GPHN: variants seen among roughly 807,000 people sequenced by gnomAD.
GPHN encodes the protein gephyrin.
A neutral mutation model predicts 95.5 loss-of-function variants in GPHN; 17 were observed. That is an observed-to-expected ratio of 0.18 (90% CI 0.12 to 0.27). GPHN has a LOEUF of 0.27. Ranked by LOEUF, GPHN falls within the 10% of genes least tolerant of loss-of-function variation. GPHN has a pLI of 1.00. For synonymous variants in GPHN, 320 were observed against 322.5 expected, an observed-to-expected ratio of 0.99 and a Z score of 0.08; for missense variants, 660 against 978.1, an observed-to-expected ratio of 0.67 and a Z score of 4.34.
intron 5 of GPHN, among the ~76,000 whole-genome samples, chr14:66,909,580 T>C (rs1472502277): frequency 2.6e-5 from 4 of 152,068 alleles, no homozygotes; most frequent in African/African-American, 9.7e-5. Flanking sequence ...ACCTTCTCAA[T>C]TGATGCAGAA....
At chr14:67,196,554 A>G in the GPHN span, among the ~76,000 whole-genome samples, 3 of 152,168 alleles carry the variant, frequency 2.0e-5, no homozygotes, top group Admixed American at 2.0e-4. Flanking sequence ...GAAGATGTCA[A>G]CAAAAGGTTT....
At chr14:66,696,109 A>T (rs1205262426) in intron 2 of GPHN, among the ~76,000 whole-genome samples, 1 of 152,220 alleles carries the variant, frequency 6.6e-6, no homozygotes, top group East Asian at 1.9e-4. Flanking sequence ...TTGCAGTACA[A>T]GGGATATATG....
At chr14:66,767,139 C>G (rs903606967) in intron 2 of GPHN, among the ~76,000 whole-genome samples, 1 of 151,838 alleles carries the variant, frequency 6.6e-6, no homozygotes, top group Non-Finnish European at 1.5e-5. Flanking sequence ...TTCAAGATGC[C>G]TATTACGCAT....
chr14:67,358,564 G>A, the GPHN span, among the ~76,000 whole-genome samples: 1 of 152,110 alleles, frequency 6.6e-6, no homozygotes, highest in Non-Finnish European at 1.5e-5. Context: ...GCCAGGCGCG[G>A]TGGCTCCCAT....
intron 9 of GPHN, among the ~76,000 whole-genome samples, chr14:67,011,334 A>G (rs1046098876): frequency 6.6e-6 from 1 of 151,946 alleles, no homozygotes; most frequent in South Asian, 2.1e-4. Flanking sequence ...ACACTTTGGT[A>G]GGCCAAGGCA....
chr14:67,110,574 A>T (rs2078310058), intron 14 of GPHN, among the ~76,000 whole-genome samples: 1 of 152,212 alleles, frequency 6.6e-6, no homozygotes, highest in African/African-American at 2.4e-5. Flanking sequence ...AAATGCAGAG[A>T]TATTAATGGT....
chr14:67,228,348 T>C, the GPHN span: 6 of 501,812 alleles, frequency 1.2e-5, no homozygotes, highest in Non-Finnish European at 1.5e-5. Flanking sequence ...TCTTGTCTTA[T>C]AGTTAACAGT....
chr14:66,645,826 A>G lies in GPHN; in HGVS notation c.65-35281A>G, dbSNP rs775304236. On this transcript the variant is annotated intron_variant, in intron 1 of 22. Coordinates refer to ENST00000478722, the MANE Select transcript of GPHN (RefSeq NM_020806.5). ...CTCATTAGATACTCAGACTAACCCT[A>G]TGATCTCATAGGGGAGATATAATTG... Among the ~76,000 whole-genome samples the G allele has an allele frequency of 1.2e-4, 19 of 152,164 alleles. No individual in the cohort carries two copies. In the South Asian group the frequency reaches 1.9e-3, roughly 15 times the overall value.
At chr14:67,323,261 G>GTGTA in the GPHN span, among the ~76,000 whole-genome samples, 967 of 124,170 alleles carry the variant, frequency 7.8e-3, 10 homozygotes, top group African/African-American at 0.023. Flanking sequence ...GTGTGTGTGT[G>GTGTA]TATATATATA....
At chr14:67,198,233 T>G in the GPHN span, 1 of 1,613,980 alleles carries the variant, frequency 6.2e-7, no homozygotes, top group Non-Finnish European at 8.5e-7. Flanking sequence ...CACACTCCCA[T>G]GATCCGAGAG....
intron 3 of GPHN, among the ~76,000 whole-genome samples, chr14:66,804,123 C>T (rs145054093): frequency 6.6e-6 from 1 of 152,188 alleles, no homozygotes; most frequent in Non-Finnish European, 1.5e-5. Flanking sequence ...GTGACTTAAT[C>T]ATAGAACATT....
At chr14:67,468,971 T>A in the GPHN span, among the ~76,000 whole-genome samples, 1 of 152,162 alleles carries the variant, frequency 6.6e-6, no homozygotes, top group South Asian at 2.1e-4. Flanking sequence ...GGGACCTGCC[T>A]CTTGCCTCTT....
At chr14:67,657,618 ACACACC>A in the GPHN span, among the ~76,000 whole-genome samples, 6,057 of 150,910 alleles carry the variant, frequency 0.04, 291 homozygotes, top group African/African-American at 0.12. Flanking sequence ...ACACACACAC[ACACACC>A]CAAAATCAAA....
At chr14:66,597,531 G>C (rs1004892141) in intron 1 of GPHN, among the ~76,000 whole-genome samples, 1 of 152,192 alleles carries the variant, frequency 6.6e-6, no homozygotes, top group Non-Finnish European at 1.5e-5. Flanking sequence ...CAAAATTAGA[G>C]TGGGTGCCAG....
chr14:67,393,492 C>T, the GPHN span, among the ~76,000 whole-genome samples: 136 of 152,252 alleles, frequency 8.9e-4, no homozygotes, highest in African/African-American at 3.1e-3. Context: ...CTCGCTCCGT[C>T]ACCCAGGCTG....
the GPHN span, among the ~76,000 whole-genome samples, chr14:67,689,899 T>C: frequency 1.3e-5 from 2 of 151,854 alleles, no homozygotes; most frequent in Non-Finnish European, 2.9e-5. Flanking sequence ...GAGCCGAGAT[T>C]GCACCATTGC....
At chr14:67,003,698 A>C (rs2072403756) in intron 9 of GPHN, among the ~76,000 whole-genome samples, 1 of 151,692 alleles carries the variant, frequency 6.6e-6, no homozygotes, top group Admixed American at 6.6e-5. Flanking sequence ...AATATCATTA[A>C]ATTTCAGTTA....
chr14:66,768,787 T>G (rs2059055687), intron 2 of GPHN, among the ~76,000 whole-genome samples: 1 of 151,902 alleles, frequency 6.6e-6, no homozygotes, highest in South Asian at 2.1e-4. Flanking sequence ...AGGTACTCAG[T>G]AAAGGTAGAA....
intron 16 of GPHN, 101 bp downstream of exon 16, chr14:67,113,272 A>G (rs2078483385): frequency 9.1e-7 from 1 of 1,094,710 alleles, no homozygotes; most frequent in Non-Finnish European, 1.4e-6. Flanking sequence ...TAGATTATAG[A>G]TCATACCAGT....
Sources: allele counts gnomAD v4.1 joint callset (sites outside exome capture counted in the v4.1 genomes callset), GRCh38; gene constraint gnomAD v4.1.1; transcripts MANE v1.5; gene names NCBI Gene and HGNC (gene_info 2026-07-23, HGNC 2026-07-21).